Variants in EYS observed in about 807,000 individuals in gnomAD.
EYS encodes the protein protein eyes shut homolog.
Under a neutral mutation model 282.1 loss-of-function variants are expected in EYS, and 250 were observed. The ratio of observed to expected loss-of-function variants is 0.89; its 90% CI spans 0.80 to 0.98. The LOEUF (loss-of-function observed/expected upper bound fraction) is 0.98, where lower values mean the gene tolerates loss of function less well. Among genes scored for constraint, EYS ranks in the 50% least tolerant of loss-of-function variants. The pLI is 0.00. For missense variants in EYS, 4,016 were observed against 3,709.0 expected (o/e 1.08, Z -2.15); for synonymous variants, 1,355 against 1,282.9 (o/e 1.06, Z -1.20).
Position 63,870,944 on chromosome 6 carries a change from A to G in EYS, c.7056-6586T>C, listed in dbSNP as rs539292515. On this transcript the variant is annotated intron_variant, in intron 35 of 42. Transcript: ENST00000503581. ...AAATATCAAATTCTCCTTCTACCCAATCGTTGTTCAGATCTTTCCCAGTCC... is the reference window on the plus strand; with the variant it reads ...AAATATCAAATTCTCCTTCTACCCAGTCGTTGTTCAGATCTTTCCCAGTCC... Among the ~76,000 whole-genome samples, 9 of 152,190 alleles carry G rather than the reference A, an allele frequency of 5.9e-5. No individual in the cohort carries two copies. The South Asian group carries it at 1.5e-3, about 25-fold the overall frequency.
At chr6:64,128,913 T>A (rs116694601) in intron 31 of EYS, among the ~76,000 whole-genome samples, 4,373 of 152,234 alleles carry the variant, frequency 0.029, 68 homozygotes, top group Non-Finnish European at 0.046. Context: ...AGATCTAGAA[T>A]AATAGCAGTC....
rs77285492 is a variant in EYS at position 64,817,538 on chromosome 6, C to T, written c.3244-3961G>A. ...GGGATACATGTGCAGCCTTGTTACA[C>T]GGGTGTATTGCACTTGGGTAGTGAG... On this transcript the variant is annotated intron_variant, in intron 21 of 42. Coordinates refer to ENST00000503581, the MANE Select transcript of EYS (RefSeq NM_001142800.2). 9.1e-3 allele frequency among the ~76,000 whole-genome samples: 1,379 copies of T among 152,168 alleles called. 17 individuals are homozygous for T. Among genetic ancestry groups the T allele is most frequent in the African/African-American group, 0.031 (1,274 of 41,522 alleles).
chr6:64,744,354 T>G (rs2149963671), intron 22 of EYS, among the ~76,000 whole-genome samples: 1 of 152,244 alleles, frequency 6.6e-6, no homozygotes, highest in Non-Finnish European at 1.5e-5. Context: ...TGCTGCTTGT[T>G]TTGTGCTTCT....
intron 26 of EYS, among the ~76,000 whole-genome samples, chr6:64,565,965 A>C (rs184659460): frequency 2.3e-3 from 353 of 151,628 alleles, no homozygotes; most frequent in African/African-American, 8.0e-3. Context: ...TAAAAAAAAA[A>C]AAAACACCAA....
At chr6:64,000,975 A>C (rs529325210) in intron 33 of EYS, among the ~76,000 whole-genome samples, 91 of 152,260 alleles carry the variant, frequency 6.0e-4, no homozygotes, top group African/African-American at 2.1e-3. Context: ...AACAAAAAAA[A>C]CTCTATAAAC....
intron 12 of EYS, among the ~76,000 whole-genome samples, chr6:65,262,703 C>T (rs1423848033): frequency 6.6e-6 from 1 of 152,068 alleles, no homozygotes; most frequent in Non-Finnish European, 1.5e-5. Context: ...ATGGGCAAAA[C>T]ACCAGACACC....
intron 2 of EYS, among the ~76,000 whole-genome samples, chr6:65,590,127 G>A (rs1424537310): frequency 6.6e-6 from 1 of 151,962 alleles, no homozygotes; most frequent in Non-Finnish European, 1.5e-5. Context: ...AATATTAAGT[G>A]TAATTGTAAA....
At chr6:65,136,163 T>A (rs1263192831) in intron 12 of EYS, among the ~76,000 whole-genome samples, 1 of 152,018 alleles carries the variant, frequency 6.6e-6, no homozygotes, top group African/African-American at 2.4e-5. Context: ...GAAGAATTTG[T>A]ACCTATGTTA....
intron 35 of EYS, among the ~76,000 whole-genome samples, chr6:63,961,900 C>T (rs1280840783): frequency 6.6e-6 from 1 of 152,094 alleles, no homozygotes; most frequent in Non-Finnish European, 1.5e-5. Context: ...TTTTCTTTTC[C>T]AAATTTACAT....
chr6:65,137,762 A>C (rs965396166), intron 12 of EYS, among the ~76,000 whole-genome samples: 29 of 152,062 alleles, frequency 1.9e-4, no homozygotes, highest in African/African-American at 7.0e-4. Flanking sequence ...GAGAGGAAGG[A>C]ATACAAGAGA....
At chr6:64,412,054 GA>G (rs1773918977) in intron 28 of EYS, among the ~76,000 whole-genome samples, 1 of 126,770 alleles carries the variant, frequency 7.9e-6, no homozygotes, top group Non-Finnish European at 1.7e-5. Flanking sequence ...ATATAGCCTA[GA>G]AATTTAATAC....
intron 13 of EYS, among the ~76,000 whole-genome samples, chr6:65,033,138 G>A (rs184279934): frequency 1.3e-5 from 2 of 152,282 alleles, no homozygotes; most frequent in East Asian, 1.9e-4. Flanking sequence ...TGTTCAAGAT[G>A]TGGCCTTGCT....
intron 35 of EYS, among the ~76,000 whole-genome samples, chr6:63,922,337 C>G (rs1021689865): frequency 6.6e-6 from 1 of 152,168 alleles, no homozygotes; most frequent in African/African-American, 2.4e-5. Context: ...CCGAAGCAGG[C>G]AGATCTCTTG....
intron 1 of EYS, among the ~76,000 whole-genome samples, chr6:65,696,591 G>A (rs957646728): frequency 4.1e-4 from 62 of 151,972 alleles, no homozygotes; most frequent in Non-Finnish European, 1.3e-4. Flanking sequence ...GGAAAATATA[G>A]GGGAAGCTAA....
At chr6:64,901,172 T>TA (rs1767648511) in intron 18 of EYS, among the ~76,000 whole-genome samples, 1 of 151,234 alleles carries the variant, frequency 6.6e-6, no homozygotes, top group Non-Finnish European at 1.5e-5. Flanking sequence ...TTCTCTCTTA[T>TA]AAGTGGGAGT....
chr6:63,800,799 C>T (rs754727274), intron 37 of EYS, among the ~76,000 whole-genome samples: 25 of 152,210 alleles, frequency 1.6e-4, no homozygotes, highest in Non-Finnish European at 3.1e-4. Context: ...AGCGAGACTC[C>T]GTCTCAAAAA....
At chr6:64,691,304 C>G (rs574138883) in intron 22 of EYS, among the ~76,000 whole-genome samples, 1 of 152,120 alleles carries the variant, frequency 6.6e-6, no homozygotes, top group Non-Finnish European at 1.5e-5. Flanking sequence ...TCAGTATAAA[C>G]CACAAAGTTT....
intron 28 of EYS, among the ~76,000 whole-genome samples, chr6:64,426,662 GT>G (rs1561988684): frequency 6.6e-6 from 1 of 151,896 alleles, no homozygotes; most frequent in African/African-American, 2.4e-5. Context: ...GAGTCTAGCG[GT>G]TGGCAGAGGG....
intron 22 of EYS, among the ~76,000 whole-genome samples, chr6:64,700,418 C>CAG (rs1332406573): frequency 2.0e-5 from 3 of 151,886 alleles, no homozygotes; most frequent in African/African-American, 7.2e-5. Context: ...AAAAGGCATC[C>CAG]AGATTGGAAA....
Sources: allele counts gnomAD v4.1 joint callset (sites outside exome capture counted in the v4.1 genomes callset), GRCh38; gene constraint gnomAD v4.1.1; transcripts MANE v1.5; gene names NCBI Gene and HGNC (gene_info 2026-07-23, HGNC 2026-07-21).